DYRK4: variants seen among roughly 807,000 people sequenced by gnomAD.
DYRK4 encodes dual specificity tyrosine-phosphorylation-regulated kinase 4.
Under a neutral mutation model 68.3 loss-of-function variants are expected in DYRK4, and 64 were observed. The ratio of observed to expected loss-of-function variants is 0.94; its 90% CI spans 0.77 to 1.15. The LOEUF is 1.15. Ranked by LOEUF, DYRK4 falls within the 50% of genes most tolerant of loss-of-function variation. The pLI is 0.00. For missense variants in DYRK4, 740 were observed against 764.7 expected (o/e 0.97, Z 0.38); for synonymous variants, 274 against 289.9 (o/e 0.95, Z 0.56).
chr12:4,589,999 C>T (rs67081360), intron 3 of DYRK4: 4,725 of 274,976 alleles, frequency 0.017, 64 homozygotes, highest in Middle Eastern at 0.027. Context: ...ACTCATTTAC[C>T]TCACAAAAGC....
chr12:4,586,643 G>A (rs1043588145), intron 2 of DYRK4, among the ~76,000 whole-genome samples: 4 of 151,822 alleles, frequency 2.6e-5, no homozygotes, highest in Non-Finnish European at 2.9e-5. Context: ...GTGCAGAGAT[G>A]TAGAGGCCAC....
At chr12:4,609,475 A>G (rs548903823) in intron 12 of DYRK4, among the ~76,000 whole-genome samples, 4 of 152,286 alleles carry the variant, frequency 2.6e-5, no homozygotes, top group Admixed American at 2.6e-4. Flanking sequence ...TTGGGCTGCC[A>G]ACTGCTCCTC....
intron 10 of DYRK4, 75 bp downstream of exon 10, chr12:4,599,863 C>A: frequency 2.3e-6 from 3 of 1,284,196 alleles, no homozygotes; most frequent in East Asian, 2.3e-5. Flanking sequence ...AGGTCACCTG[C>A]CTTCTAGGCT....
chr12:4,606,303 T>TATCTATCTATCG (rs1400765828), intron 11 of DYRK4, among the ~76,000 whole-genome samples: 1 of 152,160 alleles, frequency 6.6e-6, no homozygotes, highest in Non-Finnish European at 1.5e-5. Context: ...GCTATCTATC[T>TATCTATCTATCG]ATCTATCTAT....
chr12:4,592,196 C>G (rs1231038593), intron 5 of DYRK4, among the ~76,000 whole-genome samples: 1 of 152,202 alleles, frequency 6.6e-6, no homozygotes, highest in Non-Finnish European at 1.5e-5. Flanking sequence ...CATCTGCCCC[C>G]CTGCTATCTT....
chr12:4,597,867 C>G (rs530645213), intron 8 of DYRK4, among the ~76,000 whole-genome samples: 1 of 152,142 alleles, frequency 6.6e-6, no homozygotes, highest in East Asian at 1.9e-4. Flanking sequence ...TGGTGAAACC[C>G]CATCTCTACT....
rs751666638 is a variant in DYRK4, at chr12:4,612,719, G to T, written c.1666+1G>T. 4 of 1,614,042 alleles carry T rather than the reference G, an allele frequency of 2.5e-6. No homozygotes were observed. The highest frequency in any genetic ancestry group is 3.4e-6 in the Non-Finnish European group (4 of 1,179,954). ...GGCTGTCATCACTCGAGCAGAAAAG[G>T]TACAGCCTGTCAAATAACCAGTCCT... On this transcript the variant is annotated splice_donor_variant, in intron 14 of 14. Coordinates refer to ENST00000543431, the MANE Select transcript of DYRK4 (RefSeq NM_001394779.1). LOFTEE classifies it high-confidence loss of function.
intron 10 of DYRK4, among the ~76,000 whole-genome samples, chr12:4,600,420 G>T (rs1159234976): frequency 6.6e-6 from 1 of 151,686 alleles, no homozygotes; most frequent in Non-Finnish European, 1.5e-5. Flanking sequence ...ACTATCTAAT[G>T]TAAGAGACAG....
chr12:4,612,821 G>A, intron 14 of DYRK4, 103 bp downstream of exon 14: 1 of 1,263,396 alleles, frequency 7.9e-7, no homozygotes, highest in Non-Finnish European at 1.1e-6. Flanking sequence ...CAGTTCTGTA[G>A]TCTGGAAATT....
At chr12:4,576,699 G>T (rs1489727029) in intron 2 of DYRK4, among the ~76,000 whole-genome samples, 1 of 152,176 alleles carries the variant, frequency 6.6e-6, no homozygotes, top group Non-Finnish European at 1.5e-5. Context: ...ATGCGGTTTT[G>T]GACGTTCTAG....
chr12:4,575,149 C>G (rs117223798), intron 2 of DYRK4, among the ~76,000 whole-genome samples: 5 of 152,200 alleles, frequency 3.3e-5, no homozygotes, highest in African/African-American at 9.7e-5. Context: ...GAATGCTTGA[C>G]GTTACCAGAT....
Position 4,612,596 on chromosome 12 carries a change from T to A in DYRK4, c.1544T>A (p.Ile515Asn). ...GACCAGGCCCTCAAGCATGCTTGGA[T>A]TCATCAGTCTCGGAACCTCAAGCCA... ...TPDQALKHAW[I>N]HQSRNLKPQP... The change falls in exon 14 of 15, where the codon ATT (isoleucine) becomes AAT (asparagine). Residue 515 changes from isoleucine (I) to asparagine (N), a missense_variant. Coordinates refer to ENST00000543431, the MANE Select transcript of DYRK4 (RefSeq NM_001394779.1). 1 of 1,614,200 alleles carries A rather than the reference T, an allele frequency of 6.2e-7. No individual in the cohort carries two copies. Among genetic ancestry groups the A allele is most frequent in the Non-Finnish European group, 8.5e-7 (1 of 1,180,030 alleles).
rs1228254390 is a variant in DYRK4, at chr12:4,590,319, T to C, written c.214-11T>C. On this transcript the variant is annotated splice_polypyrimidine_tract_variant and intron_variant, in intron 3 of 14. Coordinates refer to ENST00000543431, the MANE Select transcript of DYRK4 (RefSeq NM_001394779.1). ...AGGCTTTTGTAACACATGCAATTTC[T>C]CCTTCTACAGAACACCAGTGTTACT... is the stretch of plus-strand genomic sequence containing the variant. The C allele has an allele frequency of 6.5e-7, 1 of 1,530,022 alleles. No homozygotes were observed. Among genetic ancestry groups the C allele is most frequent in the Admixed American group, 2.0e-5 (1 of 49,634 alleles). The allele number at this position is 1,530,022 out of a possible 1,614,324, so 94.8% of individuals were successfully genotyped here.
At chr12:4,597,071 C>A in intron 8 of DYRK4, 1 of 1,126,828 alleles carries the variant, frequency 8.9e-7, no homozygotes, top group Non-Finnish European at 1.1e-6. Flanking sequence ...CACTCATTGG[C>A]TTTCTGGCCT....
intron 8 of DYRK4, 182 bp downstream of exon 8, chr12:4,596,911 G>T: frequency 6.9e-7 from 1 of 1,442,032 alleles, no homozygotes; most frequent in Non-Finnish European, 9.0e-7. Flanking sequence ...AGGCCATCTT[G>T]GTATGCCTGT....
intron 10 of DYRK4, 45 bp from the exon 11 acceptor site, chr12:4,604,869 G>T: frequency 6.6e-7 from 1 of 1,526,148 alleles, no homozygotes; most frequent in Non-Finnish European, 8.8e-7. Context: ...GTTCTGGAGG[G>T]TAAGAAGTTT....
At chr12:4,588,847 C>T in intron 2 of DYRK4, 90 bp from the exon 3 acceptor site, 6 of 1,287,846 alleles carry the variant, frequency 4.7e-6, no homozygotes, top group Non-Finnish European at 6.5e-6. Context: ...TGGCCTCAAG[C>T]ATAGTTTGTT....
intron 2 of DYRK4, among the ~76,000 whole-genome samples, chr12:4,568,372 G>T (rs1242772404): frequency 2.6e-5 from 4 of 152,004 alleles, no homozygotes; most frequent in South Asian, 2.1e-4. Context: ...TTCCAGAAAA[G>T]ATCTGCTTTT....
rs1168245485 is a variant in DYRK4 at position 4,568,051 on chromosome 12, A to G, written c.132+3A>G. Reference sequence around the variant, plus strand: ...AACAAAAGTTCACCTCTGCGAAGGTAAAGATCCTTGAATTTTCACTGGGGA... The same window carrying G: ...AACAAAAGTTCACCTCTGCGAAGGTGAAGATCCTTGAATTTTCACTGGGGA... On this transcript the variant is annotated splice_donor_region_variant and intron_variant, in intron 2 of 14. Transcript: ENST00000543431. 3.9e-6 allele frequency: 6 copies of G among 1,535,824 alleles called. No individual in the cohort carries two copies. The Admixed American group carries it at 9.8e-5, about 25-fold the overall frequency.
Sources: allele counts gnomAD v4.1 joint callset (sites outside exome capture counted in the v4.1 genomes callset), GRCh38; gene constraint gnomAD v4.1.1; transcripts MANE v1.5; gene names NCBI Gene and HGNC (gene_info 2026-07-23, HGNC 2026-07-21).